FARP1: variants seen among roughly 807,000 people sequenced by gnomAD.
FARP1 encodes the protein FERM, ARH/RhoGEF and pleckstrin domain protein 1, also known as FERM, ARHGEF and pleckstrin domain-containing protein 1.
Under a neutral mutation model 128.8 loss-of-function variants are expected in FARP1, and 52 were observed. That is an observed-to-expected ratio of 0.40 (90% CI 0.32 to 0.51). The LOEUF is 0.51. FARP1 is among the 20% of genes least tolerant of loss of function. The pLI, the probability that FARP1 is intolerant of heterozygous loss-of-function variation, is 0.45. For synonymous variants in FARP1, 580 were observed against 551.8 expected, an observed-to-expected ratio of 1.05 and a Z score of -0.72; for missense variants, 1,333 against 1,367.9, an observed-to-expected ratio of 0.97 and a Z score of 0.40.
intron 6 of FARP1, 54 bp downstream of exon 6, chr13:98,377,972 G>T: frequency 1.6e-6 from 2 of 1,278,318 alleles, no homozygotes; most frequent in South Asian, 2.5e-5. Context: ...ACAGTGATCT[G>T]ATTGATGGGA....
chr13:98,268,989 C>T (rs1338541835), intron 2 of FARP1, among the ~76,000 whole-genome samples: 1 of 152,138 alleles, frequency 6.6e-6, no homozygotes, highest in Non-Finnish European at 1.5e-5. Flanking sequence ...GCCTTGGCCT[C>T]CCAAAGTTCT....
At position 98,393,632 on chromosome 13, in the gene FARP1, A is replaced by G. The variant is rs1268020248; in HGVS notation, c.1089-11A>G. 1 of 1,610,764 alleles carries G rather than the reference A, an allele frequency of 6.2e-7. No homozygotes were observed. The highest frequency in any genetic ancestry group is 8.5e-7 in the Non-Finnish European group (1 of 1,177,026). On this transcript the variant is annotated splice_polypyrimidine_tract_variant and intron_variant, in intron 11 of 26. Coordinates refer to ENST00000319562, the MANE Select transcript of FARP1 (RefSeq NM_005766.4). ...CACCTAACTTTAATGATCTTGTGTG[A>G]TTTTTCCCAGGAAGCACAGCAAGAT...
At position 98,279,897 on chromosome 13, in the gene FARP1, C is replaced by G. The variant is rs369928787; in HGVS notation, c.172-63865C>G. Among the ~76,000 whole-genome samples, 25 of 152,266 alleles carry G rather than the reference C, an allele frequency of 1.6e-4. 1 individual carries two copies. The highest frequency in any genetic ancestry group is 6.0e-4 in the African/African-American group (25 of 41,574). On this transcript the variant is annotated intron_variant, in intron 2 of 26. Coordinates refer to ENST00000319562, the MANE Select transcript of FARP1 (RefSeq NM_005766.4). ...GCCCCGGTACCAGGCGACGCCCCCC[C>G]TCTGTCTTCCGGGTCTCCCCCACGT... is the stretch of plus-strand genomic sequence containing the variant.
chr13:98,351,598 C>T (rs1888427306), intron 3 of FARP1, among the ~76,000 whole-genome samples: 2 of 131,622 alleles, frequency 1.5e-5, no homozygotes, highest in South Asian at 4.8e-4. Context: ...GGCAACAAAG[C>T]AAGACTCCAT....
At position 98,143,435 on chromosome 13, in the gene FARP1, GCCGATCCCGGAGC is replaced by G. The variant is rs1220101002; in HGVS notation, c.-76_-64del. On this transcript the variant is annotated 5_prime_UTR_variant, in exon 1 of 27. Transcript: ENST00000319562. ...CTCGGCCGCCGGGGGCTTGGGAGCC[GCCGATCCCGGAGC>G]CCGAGCCGGGAGAGGGAGCCGCCGC... 6.6e-6 allele frequency: 1 copy of G among 150,412 alleles called. No individual in the cohort carries two copies. Among genetic ancestry groups the G allele is most frequent in the Non-Finnish European group, 1.5e-5 (1 of 67,162 alleles). The allele number at this position is 150,412 out of a possible 1,614,324, so 9.3% of individuals were successfully genotyped here.
intron 3 of FARP1, among the ~76,000 whole-genome samples, chr13:98,347,368 T>A (rs1888224740): frequency 6.6e-6 from 1 of 152,224 alleles, no homozygotes; most frequent in Admixed American, 6.5e-5. Context: ...AGAATTTTTT[T>A]ATCTTGTGAA....
intron 2 of FARP1, among the ~76,000 whole-genome samples, chr13:98,311,648 G>A (rs1886464426): frequency 6.6e-6 from 1 of 151,942 alleles, no homozygotes; most frequent in African/African-American, 2.4e-5. Flanking sequence ...ATTCTGGTTG[G>A]TGGCCCTTTC....
intron 11 of FARP1, among the ~76,000 whole-genome samples, chr13:98,391,581 T>TTTA (rs1048764420): frequency 2.0e-5 from 3 of 152,132 alleles, no homozygotes; most frequent in African/African-American, 7.2e-5. Context: ...AGAAACAGGA[T>TTTA]TTATTATTAT....
chr13:98,209,101 C>T (rs555537137), intron 1 of FARP1, among the ~76,000 whole-genome samples: 29 of 152,268 alleles, frequency 1.9e-4, no homozygotes, highest in African/African-American at 4.3e-4. Flanking sequence ...CTCCGCCTCC[C>T]GGGTTCACGC....
intron 11 of FARP1, among the ~76,000 whole-genome samples, chr13:98,391,159 T>G (rs913451708): frequency 2.6e-5 from 4 of 152,052 alleles, no homozygotes; most frequent in African/African-American, 7.2e-5. Flanking sequence ...GACATCACAG[T>G]GGGGGATGAA....
At chr13:98,193,985 T>C (rs1046027962) in intron 1 of FARP1, among the ~76,000 whole-genome samples, 2 of 152,192 alleles carry the variant, frequency 1.3e-5, no homozygotes, top group Admixed American at 6.5e-5. Context: ...TGCCTGTTTA[T>C]TTTCTAGATG....
chr13:98,433,640 G>GC (rs917866374), intron 18 of FARP1: 2 of 152,670 alleles, frequency 1.3e-5, no homozygotes, highest in Admixed American at 6.5e-5. Flanking sequence ...GATCGCATGA[G>GC]CCCAGGAGTT....
chr13:98,326,146 A>G (rs1044187848), intron 2 of FARP1, among the ~76,000 whole-genome samples: 3 of 152,190 alleles, frequency 2.0e-5, no homozygotes, highest in Non-Finnish European at 2.9e-5. Context: ...AAGGACAATC[A>G]GTTGCAGGTG....
chr13:98,225,373 C>T (rs545575194), intron 2 of FARP1, among the ~76,000 whole-genome samples: 3 of 152,284 alleles, frequency 2.0e-5, no homozygotes, highest in African/African-American at 7.2e-5. Flanking sequence ...TGCTTGGACT[C>T]GCACCATTCC....
In FARP1 at chr13:98,287,208, C is replaced by CT. The variant is rs71111939; in HGVS notation, c.172-56514dup. Among the ~76,000 whole-genome samples the CT allele has an allele frequency of 4.0e-5, 3 of 75,814 alleles. 1 individual carries two copies. The highest frequency in any genetic ancestry group is 7.1e-5 in the Non-Finnish European group (3 of 42,106). 49.7% of individuals were successfully genotyped at this position (75,814 alleles called of 152,430 possible). On this transcript the variant is annotated intron_variant, in intron 2 of 26. Coordinates refer to ENST00000319562, the MANE Select transcript of FARP1 (RefSeq NM_005766.4). ...TTTCCAAATTAACCATCAGACATGT[C>CT]TTTTTTTTTTTTTTTTTTTTTTTTT...
At chr13:98,187,918 C>CT (rs1479170712) in intron 1 of FARP1, among the ~76,000 whole-genome samples, 1 of 152,166 alleles carries the variant, frequency 6.6e-6, no homozygotes, top group African/African-American at 2.4e-5. Flanking sequence ...GTTGAACCCT[C>CT]TTTGGGGAGT....
chr13:98,351,599 A>G lies in FARP1; in HGVS notation c.276+7733A>G, dbSNP rs559277496. Among the ~76,000 whole-genome samples the G allele has an allele frequency of 2.1e-4, 32 of 151,002 alleles. No individual in the cohort carries two copies. The South Asian group carries it at 6.2e-3, about 29-fold the overall frequency. Reference sequence around the variant, plus strand: ...TGCTCTCCAGCCTGGGCAACAAAGCAAGACTCCATCTAAAAAAAAAAAAAA... The same window carrying G: ...TGCTCTCCAGCCTGGGCAACAAAGCGAGACTCCATCTAAAAAAAAAAAAAA... On this transcript the variant is annotated intron_variant, in intron 3 of 26. Transcript: ENST00000319562.
At chr13:98,367,032 T>A (rs928678917) in intron 4 of FARP1, among the ~76,000 whole-genome samples, 2 of 152,240 alleles carry the variant, frequency 1.3e-5, no homozygotes, top group African/African-American at 4.8e-5. Flanking sequence ...TTATATTTCA[T>A]AGAACATAAA....
chr13:98,278,490 C>T (rs1387583688), intron 2 of FARP1, among the ~76,000 whole-genome samples: 1 of 152,078 alleles, frequency 6.6e-6, no homozygotes, highest in Non-Finnish European at 1.5e-5. Flanking sequence ...TTGTGTAACT[C>T]ACCAGATGAC....
Sources: allele counts gnomAD v4.1 joint callset (sites outside exome capture counted in the v4.1 genomes callset), GRCh38; gene constraint gnomAD v4.1.1; transcripts MANE v1.5; gene names NCBI Gene and HGNC (gene_info 2026-07-23, HGNC 2026-07-21).